IMMP2L: variants seen among roughly 807,000 people sequenced by gnomAD.
The protein encoded by IMMP2L is mitochondrial inner membrane protease subunit 2.
Under a neutral mutation model 19.3 loss-of-function variants are expected in IMMP2L, and 18 were observed. The observed-to-expected ratio is 0.93, with a 90% CI of 0.64 to 1.38. The LOEUF is 1.38. IMMP2L is among the 40% of genes most tolerant of loss of function. The pLI, the probability that IMMP2L is intolerant of heterozygous loss-of-function variation, is 0.00. For synonymous variants in IMMP2L, 76 were observed against 73.0 expected (o/e 1.04, Z -0.21); for missense variants, 233 against 218.2 (o/e 1.07, Z -0.43).
intron 3 of IMMP2L, among the ~76,000 whole-genome samples, chr7:111,471,100 C>CT (rs1841222627): frequency 6.6e-6 from 1 of 151,772 alleles, no homozygotes; most frequent in Non-Finnish European, 1.5e-5. Context: ...GAGAATTTTT[C>CT]CAAAGAGTTT....
intron 4 of IMMP2L, among the ~76,000 whole-genome samples, chr7:110,887,785 C>T (rs548367646): frequency 6.0e-4 from 90 of 149,922 alleles, no homozygotes; most frequent in African/African-American, 1.6e-3. Flanking sequence ...CTCAGGAAAA[C>T]GCCTGGCCTA....
At chr7:110,700,719 C>T (rs958439916) in intron 5 of IMMP2L, among the ~76,000 whole-genome samples, 3 of 152,156 alleles carry the variant, frequency 2.0e-5, no homozygotes, top group African/African-American at 7.2e-5. Flanking sequence ...ACTTTCTTAC[C>T]TGGTCATTTC....
chr7:111,204,478 C>A (rs961047935), intron 3 of IMMP2L, among the ~76,000 whole-genome samples: 1 of 151,852 alleles, frequency 6.6e-6, no homozygotes, highest in Admixed American at 6.6e-5. Flanking sequence ...TTAAATAATG[C>A]CAGTTGATCT....
At chr7:110,865,890 G>GTTT (rs1231572531) in intron 5 of IMMP2L, among the ~76,000 whole-genome samples, 1 of 151,388 alleles carries the variant, frequency 6.6e-6, no homozygotes, top group Non-Finnish European at 1.5e-5. Context: ...GTATACTTAA[G>GTTT]TATAGGCTAA....
chr7:110,888,937 A>G (rs567085599), intron 4 of IMMP2L, among the ~76,000 whole-genome samples: 4 of 152,366 alleles, frequency 2.6e-5, no homozygotes, highest in South Asian at 4.1e-4. Context: ...TGACCAAATG[A>G]ATGAATATCT....
intron 3 of IMMP2L, among the ~76,000 whole-genome samples, chr7:111,417,931 G>A (rs1245520259): frequency 6.6e-6 from 1 of 151,748 alleles, no homozygotes; most frequent in Admixed American, 6.6e-5. Context: ...GAGTGAAGCT[G>A]CACAGTTTAT....
At chr7:111,360,824 A>T (rs1414021520) in intron 3 of IMMP2L, among the ~76,000 whole-genome samples, 1 of 152,142 alleles carries the variant, frequency 6.6e-6, no homozygotes, top group Non-Finnish European at 1.5e-5. Context: ...TTTCAAAAAA[A>T]CAAAGAACAA....
intron 3 of IMMP2L, among the ~76,000 whole-genome samples, chr7:111,445,235 G>C (rs1024446735): frequency 6.6e-6 from 1 of 151,796 alleles, no homozygotes; most frequent in Non-Finnish European, 1.5e-5. Flanking sequence ...ACATTGTTTT[G>C]GGCAGACAAA....
chr7:110,775,085 G>A (rs925542604), intron 5 of IMMP2L, among the ~76,000 whole-genome samples: 4 of 151,990 alleles, frequency 2.6e-5, no homozygotes, highest in African/African-American at 9.7e-5. Context: ...AACTTTATAT[G>A]CTGTTTCAAT....
In IMMP2L at chr7:110,743,745, C is replaced by T. The variant is rs545371562; in HGVS notation, c.409-80024G>A. Reference sequence around the variant, plus strand: ...TTAGGGACTGTACTGTGCACTCTGGCCCAGATACTGTGCTTTCCCCACGGT... The same window carrying T: ...TTAGGGACTGTACTGTGCACTCTGGTCCAGATACTGTGCTTTCCCCACGGT... On this transcript the variant is annotated intron_variant, in intron 5 of 5. Transcript: ENST00000405709. 2.0e-4 allele frequency among the ~76,000 whole-genome samples: 31 copies of T among 152,292 alleles called. 1 individual carries two copies. The South Asian group carries it at 6.4e-3, about 32-fold the overall frequency.
chr7:111,496,915 T>C (rs1230704359), intron 2 of IMMP2L, among the ~76,000 whole-genome samples: 6 of 152,224 alleles, frequency 3.9e-5, no homozygotes, highest in Middle Eastern at 3.4e-3. Context: ...GATAGATAGA[T>C]AGATAGATAG....
chr7:111,259,324 T>G (rs1817058943), intron 3 of IMMP2L, among the ~76,000 whole-genome samples: 1 of 152,114 alleles, frequency 6.6e-6, no homozygotes, highest in South Asian at 2.1e-4. Flanking sequence ...ACAAAATTTA[T>G]TTTAAATTTT....
At chr7:111,503,133 G>C (rs1844481969) in intron 2 of IMMP2L, among the ~76,000 whole-genome samples, 2 of 152,052 alleles carry the variant, frequency 1.3e-5, no homozygotes, top group African/African-American at 2.4e-5. Context: ...AAATGATAAA[G>C]GGGATATCAC....
rs550272714 is a variant in IMMP2L at position 111,446,104 on chromosome 7, C to T, written c.239+41134G>A. Among the ~76,000 whole-genome samples, 30 of 152,086 alleles carry T rather than the reference C, an allele frequency of 2.0e-4. No individual in the cohort carries two copies. In the East Asian group the frequency reaches 4.7e-3, roughly 24 times the overall value. On this transcript the variant is annotated intron_variant, in intron 3 of 5. Transcript: ENST00000405709. ...GCTAGCACAGCAGTCTGAGATCAAACTGCAAGGCGGCAGCAAGGCTGGGGG... is the reference window on the plus strand; with the variant it reads ...GCTAGCACAGCAGTCTGAGATCAAATTGCAAGGCGGCAGCAAGGCTGGGGG...
chr7:110,996,349 G>A (rs1378677553), intron 3 of IMMP2L, among the ~76,000 whole-genome samples: 1 of 152,090 alleles, frequency 6.6e-6, no homozygotes, highest in Non-Finnish European at 1.5e-5. Context: ...ATGAAAGAAG[G>A]CAACTGTGGC....
At chr7:111,142,325 CAAAAAAAAAAAA>C (rs761556733) in intron 3 of IMMP2L, among the ~76,000 whole-genome samples, 5 of 62,494 alleles carry the variant, frequency 8.0e-5, no homozygotes, top group African/African-American at 3.0e-4. Flanking sequence ...GACTCTGTCT[CAAAAAAAAAAAA>C]AAAAAAGAAA....
chr7:111,193,665 C>A (rs1429833692), intron 3 of IMMP2L, among the ~76,000 whole-genome samples: 3 of 152,010 alleles, frequency 2.0e-5, no homozygotes, highest in Admixed American at 1.3e-4. Context: ...AGAACAGAGG[C>A]CAATCAGAAA....
At chr7:110,866,975 A>G (rs1808048010) in intron 5 of IMMP2L, among the ~76,000 whole-genome samples, 1 of 152,216 alleles carries the variant, frequency 6.6e-6, no homozygotes, top group African/African-American at 2.4e-5. Flanking sequence ...ATATACCTCA[A>G]TATACACTAT....
chr7:111,286,643 A>G (rs1450708434), intron 3 of IMMP2L, among the ~76,000 whole-genome samples: 1 of 152,164 alleles, frequency 6.6e-6, no homozygotes, highest in Non-Finnish European at 1.5e-5. Context: ...AAACAGGAAT[A>G]TAAATATTCT....
Sources: allele counts gnomAD v4.1 joint callset (sites outside exome capture counted in the v4.1 genomes callset), GRCh38; gene constraint gnomAD v4.1.1; transcripts MANE v1.5; gene names NCBI Gene and HGNC (gene_info 2026-07-23, HGNC 2026-07-21).